Variants in HMGN2 observed in about 807,000 individuals in gnomAD.
The protein encoded by HMGN2 is non-histone chromosomal protein HMG-17.
In HMGN2, 2 loss-of-function variants were observed where a neutral mutation model predicts 16.9. That is an observed-to-expected ratio of 0.12 (90% CI 0.05 to 0.37). The LOEUF (loss-of-function observed/expected upper bound fraction) is 0.37. Ranked by LOEUF, HMGN2 falls within the 10% of genes least tolerant of loss-of-function variation. The pLI, the probability that HMGN2 is intolerant of heterozygous loss-of-function variation, is 1.00. For missense variants in HMGN2, 90 were observed against 106.0 expected, an observed-to-expected ratio of 0.85 and a Z score of 0.66; for synonymous variants, 31 against 34.9, an observed-to-expected ratio of 0.89 and a Z score of 0.39.
At position 26,474,104 on chromosome 1, in the gene HMGN2, C is replaced by T. The variant is rs1440763621; in HGVS notation, c.110C>T (p.Pro37Leu). ...AAAAAGAAACCTGCTCCTCCAAAGC[C>T]AGAGCCCAAGCCTAAAAAGGCCCCT... is the stretch of plus-strand genomic sequence containing the variant. ...RLSAKPAPPK[P>L]EPKPKKAPAK... The change falls in exon 4 of 6, where the codon CCA (proline) becomes CTA (leucine). Residue 37 changes from proline (P) to leucine (L), a missense_variant. Pro to Leu is a moderately conservative substitution (Grantham distance 98). Transcript: ENST00000361427. The T allele has an allele frequency of 3.1e-6, 5 of 1,611,596 alleles. No homozygotes were observed. The Admixed American group carries it at 5.1e-5, about 16-fold the overall frequency.
chr1:26,473,736 A>AGT lies in HMGN2; in HGVS notation c.90+7_90+8dup. On this transcript the variant is annotated splice_donor_region_variant and intron_variant, in intron 3 of 5. Transcript: ENST00000361427. The stretch of plus-strand genomic sequence containing the variant: ...AAGATCCGCGAGGTTGTCTGCTGTA[A>AGT]GTGTATGCTTTTGAATTTTCGTGCT... 1.2e-6 allele frequency: 2 copies of AGT among 1,613,810 alleles called. No individual in the cohort carries two copies. The highest frequency in any genetic ancestry group is 1.7e-6 in the Non-Finnish European group (2 of 1,179,822).
At chr1:26,472,824 G>A (rs1420087852) in intron 1 of HMGN2, among the ~76,000 whole-genome samples, 197 bp downstream of exon 1, 1 of 151,414 alleles carries the variant, frequency 6.6e-6, no homozygotes. Flanking sequence ...AGGCCATATT[G>A]GAGGAGCGGC....
rs1315929241 is a variant in HMGN2, at chr1:26,475,129, G to T, written c.254G>T (p.Gly85Val). The change falls in exon 6 of 6, where the codon GGT becomes GTT. Residue 85 changes from glycine (G) to valine (V), a missense_variant. Physicochemically the swap from Gly to Val is moderately radical, Grantham distance 109 (BLOSUM62 -3). Coordinates refer to ENST00000361427, the MANE Select transcript of HMGN2 (RefSeq NM_005517.4). ...AKTDQAQKAE[G>V]AGDAK ...TTCTTTTAGGCACAGAAAGCTGAAG[G>T]TGCTGGAGATGCCAAGTGAAGTGTG... 2 of 1,610,814 alleles carry T rather than the reference G, an allele frequency of 1.2e-6. No individual in the cohort carries two copies. The highest frequency in any genetic ancestry group is 8.5e-7 in the Non-Finnish European group (1 of 1,177,424).
At chr1:26,474,371 GTTAC>G (rs1055374029) in intron 4 of HMGN2, among the ~76,000 whole-genome samples, 197 bp from the exon 5 acceptor site, 2 of 152,122 alleles carry the variant, frequency 1.3e-5, no homozygotes, top group African/African-American at 2.4e-5. Flanking sequence ...TTATTCTTCT[GTTAC>G]TTAGGAAATT....
At chr1:26,472,714 G>A (rs1557460372) in intron 1 of HMGN2, 87 bp downstream of exon 1, 3 of 1,271,772 alleles carry the variant, frequency 2.4e-6, no homozygotes, top group East Asian at 5.4e-5. Flanking sequence ...GAGAATCGGC[G>A]CCGAGCAGGA....
chr1:26,474,979 C>T lies in HMGN2; in HGVS notation c.238-134C>T, dbSNP rs2075598626. Reference sequence around the variant, plus strand: ...TAGCAAAGTTACCTAGTAAGTCATTCTCAGAAGAAATACTGAGTCTCAGTA... The same window carrying T: ...TAGCAAAGTTACCTAGTAAGTCATTTTCAGAAGAAATACTGAGTCTCAGTA... On this transcript the variant is annotated intron_variant, in intron 5 of 5. Transcript: ENST00000361427. The T allele has an allele frequency of 5.4e-6, 4 of 734,546 alleles. No individual in the cohort carries two copies. The East Asian group carries it at 1.0e-4, about 18-fold the overall frequency. The allele number at this position is 734,546 out of a possible 1,614,324, so 45.5% of individuals were successfully genotyped here. A position where few individuals can be genotyped will look rare whatever the true frequency, so the allele number is the denominator to read the frequency against.
At chr1:26,472,685 C>T in intron 1 of HMGN2, 58 bp downstream of exon 1, 1 of 1,455,572 alleles carries the variant, frequency 6.9e-7, no homozygotes, top group Non-Finnish European at 9.2e-7. Context: ...GCCGCCGCCG[C>T]CTCCCTGGTG....
In HMGN2 at chr1:26,473,782, A is replaced by T. The variant is rs778387538; in HGVS notation, c.90+50A>T. On this transcript the variant is annotated intron_variant, in intron 3 of 5. Coordinates refer to ENST00000361427, the MANE Select transcript of HMGN2 (RefSeq NM_005517.4). The stretch of plus-strand genomic sequence containing the variant: ...GTGCTTGTCCCTGAAACTAAAAAAC[A>T]TCAAAAAACAATTCCCTTTGCTTCC... 1.3e-5 allele frequency: 20 copies of T among 1,548,158 alleles called. No individual in the cohort carries two copies. In the Admixed American group the frequency reaches 1.7e-4, roughly 13 times the overall value.
Position 26,474,089 on chromosome 1 carries a change from C to T in HMGN2, c.95C>T (p.Pro32Leu). Residue 32 changes from proline to leucine, a missense_variant, in exon 4 of 6, where the codon CCT (proline) becomes CTT (leucine). Transcript: ENST00000361427. ...QRRSARLSAK[P>L]APPKPEPKPK... ...CTCTCTTCCTGCCAAAAAAAGAAAC[C>T]TGCTCCTCCAAAGCCAGAGCCCAAG... The T allele has an allele frequency of 1.2e-6, 2 of 1,611,330 alleles. No individual in the cohort carries two copies. The highest frequency in any genetic ancestry group is 1.7e-4 in the Middle Eastern group (1 of 5,974).
chr1:26,473,939 C>A, intron 3 of HMGN2, 146 bp from the exon 4 acceptor site: 1 of 805,492 alleles, frequency 1.2e-6, no homozygotes, highest in South Asian at 1.8e-5. Flanking sequence ...TCTGGAAATC[C>A]AACATTCTAG....
chr1:26,474,660 C>T lies in HMGN2; in HGVS notation c.230C>T (p.Thr77Ile), dbSNP rs1014227659. The part of the protein sequence containing the change: ...NNPAENGDAK[T>I]DQAQKAEGAG... ...CCTGCAGAAAATGGAGATGCCAAAACAGACCAGGTATAACTGCTGTTTCAC... is the reference window on the plus strand; with the variant it reads ...CCTGCAGAAAATGGAGATGCCAAAATAGACCAGGTATAACTGCTGTTTCAC... The change falls in exon 5 of 6, where the codon ACA becomes ATA. Residue 77 changes from threonine (T) to isoleucine (I), a missense_variant. Coordinates refer to ENST00000361427, the MANE Select transcript of HMGN2 (RefSeq NM_005517.4). 6.7e-6 allele frequency: 10 copies of T among 1,500,824 alleles called. No individual in the cohort carries two copies. The highest frequency in any genetic ancestry group is 1.7e-4 in the Middle Eastern group (1 of 5,874). 93.0% of individuals were successfully genotyped at this position (1,500,824 alleles called of 1,614,324 possible). A position where few individuals can be genotyped will look rare whatever the true frequency, so the allele number is the denominator to read the frequency against.
chr1:26,473,280 C>G, intron 1 of HMGN2: 1 of 581,788 alleles, frequency 1.7e-6, no homozygotes, highest in Non-Finnish European at 3.0e-6. Context: ...GGCTGCGCTC[C>G]GGTCCAGCCC....
In HMGN2 at chr1:26,472,492, A is replaced by AC. The variant is rs553843283; in HGVS notation, c.-115dup. 7.6e-4 allele frequency: 929 copies of AC among 1,230,020 alleles called. 4 individuals carry two copies. The highest frequency in any genetic ancestry group is 2.7e-3 in the South Asian group (209 of 77,794). The allele number at this position is 1,230,020 out of a possible 1,614,324, so 76.2% of individuals were successfully genotyped here. A position where few individuals can be genotyped will look rare whatever the true frequency, so the allele number is the denominator to read the frequency against. ...TCCCAGCGCTATAAAAACTTTATAAACCCCCCGGAGCCCGAGCAGTGTGAA... is the reference window on the plus strand; with the variant it reads ...TCCCAGCGCTATAAAAACTTTATAAACCCCCCCGGAGCCCGAGCAGTGTGAA... On this transcript the variant is annotated 5_prime_UTR_variant, in exon 1 of 6. Transcript: ENST00000361427.
At chr1:26,474,527 A>T in intron 4 of HMGN2, 45 bp from the exon 5 acceptor site, 1 of 897,026 alleles carries the variant, frequency 1.1e-6, no homozygotes. Context: ...ATACCTTGGT[A>T]ATACGAAATG....
At position 26,473,686 on chromosome 1, in the gene HMGN2, C is replaced by T; in HGVS notation, c.61-17C>T. ...ACTTACCTGTCCTATTTCTAACTTT[C>T]TCGTTGTCTTTAATAGCCACAGAGA... On this transcript the variant is annotated splice_polypyrimidine_tract_variant and intron_variant, in intron 2 of 5. Transcript: ENST00000361427. The T allele has an allele frequency of 6.2e-7, 1 of 1,613,818 alleles. No homozygotes were observed. Among genetic ancestry groups the T allele is most frequent in the South Asian group, 1.1e-5 (1 of 91,072 alleles).
chr1:26,475,073 G>T, intron 5 of HMGN2, 40 bp from the exon 6 acceptor site: 2 of 1,566,556 alleles, frequency 1.3e-6, no homozygotes, highest in South Asian at 1.1e-5. Context: ...AGATAGTTTT[G>T]AAATCTACGC....
At position 26,473,728 on chromosome 1, in the gene HMGN2, C is replaced by T. The variant is rs760851265; in HGVS notation, c.86C>T (p.Ser29Phe). 1 of 1,613,976 alleles carries T rather than the reference C, an allele frequency of 6.2e-7. No individual in the cohort carries two copies. The highest frequency in any genetic ancestry group is 8.5e-7 in the Non-Finnish European group (1 of 1,179,892). ...DEPQRRSARL[S>F]AKPAPPKPEP... is the part of the protein sequence containing the mutation. ...CCACAGAGAAGATCCGCGAGGTTGTCTGCTGTAAGTGTATGCTTTTGAATT... is the reference window on the plus strand; with the variant it reads ...CCACAGAGAAGATCCGCGAGGTTGTTTGCTGTAAGTGTATGCTTTTGAATT... The change falls in exon 3 of 6, where the codon TCT (serine) becomes TTT (phenylalanine). Residue 29 changes from serine (S) to phenylalanine (F), a missense_variant. Ser to Phe is a radical substitution (Grantham distance 155). Coordinates refer to ENST00000361427, the MANE Select transcript of HMGN2 (RefSeq NM_005517.4).
chr1:26,474,719 G>T (rs1367604009), intron 5 of HMGN2, 52 bp downstream of exon 5: 1 of 873,500 alleles, frequency 1.1e-6, no homozygotes. Context: ...GTTAGTTGCT[G>T]ATATCAAAAA....
chr1:26,472,759 G>C (rs1253470537), intron 1 of HMGN2, 132 bp downstream of exon 1: 13 of 801,314 alleles, frequency 1.6e-5, no homozygotes, highest in Middle Eastern at 3.7e-4. Context: ...GGCTGGAGAC[G>C]GTGTCGGGCA....
Sources: gnomAD v4.1 joint callset for allele counts (sites outside exome capture counted in the v4.1 genomes callset) on GRCh38, gnomAD v4.1.1 for gene constraint, MANE v1.5 for transcripts, NCBI Gene and HGNC (gene_info 2026-07-23, HGNC 2026-07-21) for gene names.